DGLUCY: variants seen among roughly 807,000 people sequenced by gnomAD.
The protein encoded by DGLUCY is D-glutamate cyclase, mitochondrial.
DGLUCY carries 58 observed loss-of-function variants against 58.5 expected under a neutral mutation model. That is an observed-to-expected ratio of 0.99 (90% CI 0.80 to 1.23). The LOEUF (loss-of-function observed/expected upper bound fraction) is 1.23. Among genes scored for constraint, DGLUCY ranks in the 50% most tolerant of loss-of-function variants. DGLUCY has a pLI of 0.00. For synonymous variants in DGLUCY, 325 were observed against 314.1 expected, an observed-to-expected ratio of 1.03 and a Z score of -0.37; for missense variants, 779 against 784.7, an observed-to-expected ratio of 0.99 and a Z score of 0.09.
rs543250865 is a variant in DGLUCY, at chr14:91,217,295, T to TGGGAGAGGGCGTGGAAGGTCTG, written c.1716+1746_1716+1767dup. On this transcript the variant is annotated intron_variant, in intron 13 of 13. Transcript: ENST00000256324. ...GATTAGAGGTGGGTGCCGAAGGTTG[T>TGGGAGAGGGCGTGGAAGGTCTG]GGGAGAGGGCGTGGAAGGTCTGGGG... Among the ~76,000 whole-genome samples, 1,468 of 152,050 alleles carry TGGGAGAGGGCGTGGAAGGTCTG rather than the reference T, an allele frequency of 9.7e-3. 15 individuals carry two copies. Among genetic ancestry groups the TGGGAGAGGGCGTGGAAGGTCTG allele is most frequent in the Non-Finnish European group, 0.014 (937 of 67,956 alleles).
Position 91,196,482 on chromosome 14 carries a change from T to G in DGLUCY, c.1295+8T>G. The G allele has an allele frequency of 6.2e-7, 1 of 1,611,792 alleles. No individual in the cohort carries two copies. Among genetic ancestry groups the G allele is most frequent in the Non-Finnish European group, 8.5e-7 (1 of 1,178,074 alleles). On this transcript the variant is annotated splice_region_variant and intron_variant, in intron 10 of 13. Transcript: ENST00000256324. ...GGACCCGCAGACACCTAGGTACGTA[T>G]GTCGCATCCCAGTTTAAGTGGCGGA...
intron 1 of DGLUCY, among the ~76,000 whole-genome samples, chr14:91,122,741 T>TG (rs2045460291): frequency 6.6e-6 from 1 of 151,456 alleles, no homozygotes; most frequent in Non-Finnish European, 1.5e-5. Context: ...TAGGAGTAGC[T>TG]GGGACTGTAG....
intron 1 of DGLUCY, among the ~76,000 whole-genome samples, chr14:91,157,333 A>G (rs1281507456): frequency 6.6e-6 from 1 of 151,770 alleles, no homozygotes; most frequent in Non-Finnish European, 1.5e-5. Context: ...ATGGATGGAT[A>G]CATACATAGA....
chr14:91,102,108 G>A (rs148375473), intron 1 of DGLUCY, among the ~76,000 whole-genome samples: 2 of 152,098 alleles, frequency 1.3e-5, no homozygotes, highest in African/African-American at 4.8e-5. Flanking sequence ...CTATATGAAT[G>A]TATCAAATTA....
At chr14:91,112,837 G>A (rs6575176), upstream of DGLUCY, among the ~76,000 whole-genome samples, 13,547 of 151,624 alleles carry the variant, frequency 0.089, 1,024 homozygotes, top group African/African-American at 0.2. Context: ...GGCTAACACG[G>A]TGAAACCCTG....
chr14:91,214,486 G>A (rs1006538061), intron 12 of DGLUCY, among the ~76,000 whole-genome samples: 3 of 152,232 alleles, frequency 2.0e-5, no homozygotes, highest in Non-Finnish European at 2.9e-5. Flanking sequence ...GATCCAGCGC[G>A]ACGGGGCTGT....
intron 1 of DGLUCY, among the ~76,000 whole-genome samples, chr14:91,124,463 C>G (rs576132707): frequency 1.9e-4 from 29 of 152,308 alleles, no homozygotes; most frequent in African/African-American, 6.3e-4. Context: ...GGCATAGCTG[C>G]TTGTTAATTC....
chr14:91,170,319 C>G (rs1217173022), intron 5 of DGLUCY, 118 bp downstream of exon 5: 1 of 1,121,578 alleles, frequency 8.9e-7, no homozygotes, highest in East Asian at 2.6e-5. Flanking sequence ...AGCTCCAGCC[C>G]CAGCTCAGCC....
At chr14:91,159,744 C>T (rs1201648147) in intron 2 of DGLUCY, among the ~76,000 whole-genome samples, 1 of 152,168 alleles carries the variant, frequency 6.6e-6, no homozygotes, top group African/African-American at 2.4e-5. Flanking sequence ...TCGACAGAAA[C>T]TCGGCCTCTT....
At chr14:91,188,188 C>A (rs2049640640) in intron 8 of DGLUCY, among the ~76,000 whole-genome samples, 1 of 152,144 alleles carries the variant, frequency 6.6e-6, no homozygotes, top group African/African-American at 2.4e-5. Flanking sequence ...TGCAGGTCTG[C>A]CGTTACATCC....
intron 8 of DGLUCY, among the ~76,000 whole-genome samples, chr14:91,184,717 G>A (rs1035334461): frequency 6.6e-6 from 1 of 151,708 alleles, no homozygotes; most frequent in African/African-American, 2.4e-5. Context: ...GGGCCTAGGA[G>A]CAAAAGTTGT....
At chr14:91,079,479 A>G (rs2140043853) in intron 1 of DGLUCY, among the ~76,000 whole-genome samples, 1 of 151,290 alleles carries the variant, frequency 6.6e-6, no homozygotes, top group South Asian at 2.1e-4. Context: ...TCAGCCTCCC[A>G]AGTAGCTGGG....
intron 7 of DGLUCY, among the ~76,000 whole-genome samples, chr14:91,180,431 G>T (rs558846818): frequency 6.6e-6 from 1 of 151,768 alleles, no homozygotes; most frequent in African/African-American, 2.4e-5. Context: ...AATTAGCCAG[G>T]CGTGGTGGCG....
At chr14:91,166,954 A>T (rs2048317419) in intron 3 of DGLUCY, among the ~76,000 whole-genome samples, 1 of 152,116 alleles carries the variant, frequency 6.6e-6, no homozygotes, top group Non-Finnish European at 1.5e-5. Context: ...TAAATATCCC[A>T]TGTATATTTT....
intron 1 of DGLUCY, among the ~76,000 whole-genome samples, chr14:91,152,079 T>A (rs77704852): frequency 1.3e-3 from 203 of 152,280 alleles, no homozygotes; most frequent in African/African-American, 4.7e-3. Flanking sequence ...GGACCACCAT[T>A]TGCTTTCATT....
upstream of DGLUCY, among the ~76,000 whole-genome samples, chr14:91,111,403 C>T (rs1248906082): frequency 6.6e-6 from 1 of 152,010 alleles, no homozygotes; most frequent in Non-Finnish European, 1.5e-5. Flanking sequence ...CTGCCTCATC[C>T]TCCCAAGTAG....
At chr14:91,196,171 C>T (rs544916625) in intron 9 of DGLUCY, among the ~76,000 whole-genome samples, 62 of 152,252 alleles carry the variant, frequency 4.1e-4, no homozygotes, top group African/African-American at 1.4e-3. Flanking sequence ...CCTCCACCCC[C>T]GTCAACCCTA....
At chr14:91,200,970 A>G (rs1294518059) in intron 11 of DGLUCY, among the ~76,000 whole-genome samples, 1 of 148,904 alleles carries the variant, frequency 6.7e-6, no homozygotes, top group Non-Finnish European at 1.5e-5. Flanking sequence ...GGGGGAGGAT[A>G]TTACAAAGTA....
intron 1 of DGLUCY, among the ~76,000 whole-genome samples, chr14:91,153,533 T>C (rs1240200849): frequency 6.6e-6 from 1 of 152,214 alleles, no homozygotes; most frequent in Non-Finnish European, 1.5e-5. Flanking sequence ...CTGTTGATGC[T>C]GCACATCCAG....
Sources: allele counts gnomAD v4.1 joint callset (sites outside exome capture counted in the v4.1 genomes callset), GRCh38; gene constraint gnomAD v4.1.1; transcripts MANE v1.5; gene names NCBI Gene and HGNC (gene_info 2026-07-23, HGNC 2026-07-21).